RBMS3: variants seen among roughly 807,000 people sequenced by gnomAD.
The protein encoded by RBMS3 is RNA binding motif single stranded interacting protein 3.
RBMS3 carries 27 observed loss-of-function variants against 66.8 expected under a neutral mutation model. That is an observed-to-expected ratio of 0.40 (90% CI 0.30 to 0.56). RBMS3 has a LOEUF of 0.56. Ranked by LOEUF, RBMS3 falls within the 20% of genes least tolerant of loss-of-function variation. The pLI, the probability that RBMS3 is intolerant of heterozygous loss-of-function variation, is 0.40. For synonymous variants in RBMS3, 188 were observed against 183.0 expected, an observed-to-expected ratio of 1.03 and a Z score of -0.22; for missense variants, 513 against 549.5, an observed-to-expected ratio of 0.93 and a Z score of 0.66.
chr3:29,369,384 C>T (rs1309556709), intron 1 of RBMS3, among the ~76,000 whole-genome samples: 2 of 151,626 alleles, frequency 1.3e-5, no homozygotes, highest in African/African-American at 4.8e-5. Context: ...CCATTACTTT[C>T]AATGGCAAAA....
chr3:29,898,239 T>A (rs925995846), intron 9 of RBMS3, among the ~76,000 whole-genome samples: 1 of 151,670 alleles, frequency 6.6e-6, no homozygotes, highest in Non-Finnish European at 1.5e-5. Flanking sequence ...GTTCTTCCAA[T>A]TCTAATTAGA....
At chr3:29,873,986 T>C (rs1353023490) in intron 7 of RBMS3, among the ~76,000 whole-genome samples, 1 of 152,222 alleles carries the variant, frequency 6.6e-6, no homozygotes, top group East Asian at 1.9e-4. Context: ...CTAGCTGTTA[T>C]TAATGCTAAT....
At chr3:29,925,644 G>A (rs531658210) in intron 10 of RBMS3, among the ~76,000 whole-genome samples, 18 of 152,232 alleles carry the variant, frequency 1.2e-4, no homozygotes, top group African/African-American at 4.3e-4. Context: ...CTTTTTAGAA[G>A]CAATGTAATA....
intron 10 of RBMS3, among the ~76,000 whole-genome samples, chr3:29,930,667 C>T (rs1278786025): frequency 6.6e-6 from 1 of 151,898 alleles, no homozygotes; most frequent in South Asian, 2.1e-4. Context: ...CCAGACATTG[C>T]AAAATCACTC....
In RBMS3 at chr3:29,608,257, G is replaced by A. The variant is rs536971088; in HGVS notation, c.399+21052G>A. Among the ~76,000 whole-genome samples the A allele has an allele frequency of 2.6e-5, 4 of 151,898 alleles. No homozygotes were observed. The South Asian group carries it at 8.3e-4, about 31-fold the overall frequency. On this transcript the variant is annotated intron_variant, in intron 4 of 14. Transcript: ENST00000383767. The stretch of plus-strand genomic sequence containing the variant: ...CAGATTGAGGTATTTTTTTAAAGCA[G>A]CATTAACTTTTGTGGAAGTATCGTA...
At chr3:29,685,083 G>C (rs1019867479) in intron 4 of RBMS3, among the ~76,000 whole-genome samples, 1 of 151,630 alleles carries the variant, frequency 6.6e-6, no homozygotes, top group East Asian at 1.9e-4. Context: ...TTTTGAGACG[G>C]AGTCTTGCTC....
intron 1 of RBMS3, among the ~76,000 whole-genome samples, chr3:29,372,863 G>A (rs567828153): frequency 1.7e-4 from 26 of 149,804 alleles, no homozygotes; most frequent in African/African-American, 5.4e-4. Context: ...TAGCATTATT[G>A]TGATGTTTCA....
chr3:29,832,406 T>A (rs1309908161), intron 6 of RBMS3, among the ~76,000 whole-genome samples: 2 of 152,188 alleles, frequency 1.3e-5, no homozygotes, highest in African/African-American at 2.4e-5. Flanking sequence ...TACCAATGGA[T>A]GAGAGTACCT....
intron 6 of RBMS3, among the ~76,000 whole-genome samples, chr3:29,846,373 G>A (rs1340665247): frequency 1.3e-5 from 2 of 152,112 alleles, no homozygotes; most frequent in Non-Finnish European, 2.9e-5. Context: ...AAGAGGACTA[G>A]ATTTAGGGCT....
At chr3:29,897,910 G>C (rs529140944) in intron 9 of RBMS3, among the ~76,000 whole-genome samples, 1 of 151,594 alleles carries the variant, frequency 6.6e-6, no homozygotes, top group Admixed American at 6.6e-5. Context: ...AAGCTACACA[G>C]ATAGATGTTA....
At chr3:29,799,520 A>C (rs529656628) in intron 6 of RBMS3, among the ~76,000 whole-genome samples, 1 of 152,340 alleles carries the variant, frequency 6.6e-6, no homozygotes, top group South Asian at 2.1e-4. Flanking sequence ...TTTTACTCCA[A>C]GTCAATTTAA....
chr3:29,950,140 G>A (rs138812198), intron 12 of RBMS3, among the ~76,000 whole-genome samples: 9 of 151,876 alleles, frequency 5.9e-5, no homozygotes, highest in East Asian at 1.9e-4. Flanking sequence ...TCTAAAAGCC[G>A]AACACTACAC....
rs565744117 is a variant in RBMS3 at position 29,678,773 on chromosome 3, G to C, written c.400-60947G>C. Among the ~76,000 whole-genome samples the C allele has an allele frequency of 2.6e-5, 4 of 152,188 alleles. No individual in the cohort carries two copies. In the South Asian group the frequency reaches 8.3e-4, roughly 32 times the overall value. ...GCTACGGGATACTGGATTCTTGAAG[G>C]GGGAAGAAGTTTATATCAGGTAGAG... On this transcript the variant is annotated intron_variant, in intron 4 of 14. Transcript: ENST00000383767.
At chr3:29,472,866 C>T (rs1181745404) in intron 2 of RBMS3, among the ~76,000 whole-genome samples, 2 of 152,148 alleles carry the variant, frequency 1.3e-5, no homozygotes, top group Non-Finnish European at 2.9e-5. Context: ...CAAGCGGTTG[C>T]CATGGCTGGC....
At chr3:29,857,251 G>A (rs1025113908) in intron 6 of RBMS3, among the ~76,000 whole-genome samples, 1 of 152,266 alleles carries the variant, frequency 6.6e-6, no homozygotes, top group East Asian at 1.9e-4. Flanking sequence ...TTCTTGACCT[G>A]AGTTGGAGTT....
In RBMS3 at chr3:29,522,054, G is replaced by A. The variant is rs138749586; in HGVS notation, c.307+33555G>A. On this transcript the variant is annotated intron_variant, in intron 3 of 14. Coordinates refer to ENST00000383767, the MANE Select transcript of RBMS3 (RefSeq NM_001003793.3). ...AGACCTAGCATGCTATAAAATTAGC[G>A]TTTAGTTAGGAAAATGGAAACACAT... is the stretch of plus-strand genomic sequence containing the variant. Among the ~76,000 whole-genome samples, 152 of 152,258 alleles carry A rather than the reference G, an allele frequency of 1.0e-3. 2 individuals are homozygous for A. The highest frequency in any genetic ancestry group is 1.0e-3 in the Admixed American group (16 of 15,288).
At chr3:29,901,606 A>G (rs577022946) in intron 10 of RBMS3, among the ~76,000 whole-genome samples, 19 of 151,688 alleles carry the variant, frequency 1.3e-4, no homozygotes, top group Non-Finnish European at 2.2e-4. Context: ...GTTCGCATGT[A>G]TTATTTCTGT....
intron 5 of RBMS3, among the ~76,000 whole-genome samples, chr3:29,740,767 C>G (rs954201779): frequency 6.6e-6 from 1 of 152,128 alleles, no homozygotes; most frequent in Non-Finnish European, 1.5e-5. Flanking sequence ...TAGGGCCAGG[C>G]AGGGTGGCTG....
At chr3:29,515,921 A>G (rs886622180) in intron 3 of RBMS3, among the ~76,000 whole-genome samples, 18 of 152,244 alleles carry the variant, frequency 1.2e-4, no homozygotes, top group African/African-American at 4.3e-4. Context: ...TGTTGGAAAT[A>G]GTAGTTTTTA....
Sources: allele counts gnomAD v4.1 joint callset (sites outside exome capture counted in the v4.1 genomes callset), GRCh38; gene constraint gnomAD v4.1.1; transcripts MANE v1.5; gene names NCBI Gene and HGNC (gene_info 2026-07-23, HGNC 2026-07-21).